The following EPHB1 variants were observed in gnomAD, a reference collection of about 807,000 sequenced individuals.
EPHB1 encodes the protein EPH receptor B1.
EPHB1 carries 30 observed loss-of-function variants against 94.4 expected under a neutral mutation model. The ratio of observed to expected loss-of-function variants is 0.32; its 90% confidence interval spans 0.24 to 0.43. The LOEUF (loss-of-function observed/expected upper bound fraction) is 0.43, where lower values mean the gene tolerates loss of function less well. Among genes scored for constraint, EPHB1 ranks in the 20% least tolerant of loss-of-function variants. EPHB1 has a pLI of 1.00. For missense variants in EPHB1, 1,055 were observed against 1,308.3 expected, an observed-to-expected ratio of 0.81 and a Z score of 2.99; for synonymous variants, 522 against 489.1, an observed-to-expected ratio of 1.07 and a Z score of -0.89.
chr3:135,177,367 G>A (rs1190014795), intron 9 of EPHB1, among the ~76,000 whole-genome samples: 2 of 152,102 alleles, frequency 1.3e-5, no homozygotes, highest in African/African-American at 4.8e-5. Context: ...GCTGCCAGTC[G>A]CACATCAGCT....
rs1269920940 is a variant in EPHB1 at position 135,192,841 on chromosome 3, G to T, written c.2130+18G>T. On this transcript the variant is annotated intron_variant, in intron 11 of 15. Coordinates refer to ENST00000398015, the MANE Select transcript of EPHB1 (RefSeq NM_004441.5). ...TCCTCAGGGTAAGAGCAACTCAGGG[G>T]TTTGATGATGCACTTGGATGCAGGT... 1.2e-6 allele frequency: 2 copies of T among 1,608,330 alleles called. No homozygotes were observed. The highest frequency in any genetic ancestry group is 1.1e-5 in the South Asian group (1 of 90,800).
intron 3 of EPHB1, among the ~76,000 whole-genome samples, chr3:135,090,361 G>T (rs1432181040): frequency 6.6e-6 from 1 of 152,196 alleles, no homozygotes; most frequent in African/African-American, 2.4e-5. Context: ...AATGAATTCT[G>T]CCAAATCTCT....
intron 3 of EPHB1, among the ~76,000 whole-genome samples, chr3:135,023,520 C>T: frequency 6.6e-6 from 1 of 152,124 alleles, no homozygotes; most frequent in East Asian, 1.9e-4. Flanking sequence ...CCAGAATCGC[C>T]CCCTGTTGAG....
chr3:135,241,404 C>T, intron 13 of EPHB1, 107 bp downstream of exon 13: 1 of 1,407,334 alleles, frequency 7.1e-7, no homozygotes, highest in Non-Finnish European at 9.9e-7. Flanking sequence ...ATAATCTGAA[C>T]CTGCAGTGTT....
At chr3:135,029,001 A>T (rs1576328493) in intron 3 of EPHB1, among the ~76,000 whole-genome samples, 3 of 131,456 alleles carry the variant, frequency 2.3e-5, no homozygotes, top group Non-Finnish European at 3.3e-5. Context: ...GTCTCTTTTG[A>T]TCTTTGTTGG....
intron 1 of EPHB1, among the ~76,000 whole-genome samples, chr3:134,874,481 A>G (rs1047076325): frequency 4.6e-5 from 7 of 152,180 alleles, no homozygotes; most frequent in Admixed American, 3.3e-4. Context: ...CCCTTTTTTA[A>G]ATAGAAGAAA....
chr3:135,067,294 G>A (rs1459111039), intron 3 of EPHB1, among the ~76,000 whole-genome samples: 1 of 152,158 alleles, frequency 6.6e-6, no homozygotes, highest in Non-Finnish European at 1.5e-5. Flanking sequence ...ACCAGAGTGG[G>A]TAGGGAAGGG....
At chr3:134,888,389 A>G (rs2037900427) in intron 1 of EPHB1, among the ~76,000 whole-genome samples, 1 of 152,198 alleles carries the variant, frequency 6.6e-6, no homozygotes, top group Non-Finnish European at 1.5e-5. Flanking sequence ...GATGTGGCCT[A>G]TATCCCTAGT....
intron 12 of EPHB1, among the ~76,000 whole-genome samples, chr3:135,220,740 G>C (rs1161284274): frequency 6.6e-6 from 1 of 152,002 alleles, no homozygotes; most frequent in African/African-American, 2.4e-5. Context: ...GGGCAAGGCT[G>C]GTATTTTATT....
At chr3:134,840,793 G>A (rs183368229) in intron 1 of EPHB1, among the ~76,000 whole-genome samples, 1 of 152,294 alleles carries the variant, frequency 6.6e-6, no homozygotes, top group African/African-American at 2.4e-5. Context: ...TCTCTGACTG[G>A]CCCTCAGCCT....
intron 3 of EPHB1, among the ~76,000 whole-genome samples, chr3:135,009,837 G>T (rs887121786): frequency 2.6e-5 from 4 of 152,170 alleles, no homozygotes; most frequent in African/African-American, 9.6e-5. Context: ...AAATAAAAAC[G>T]TTTCTGATTA....
chr3:134,825,285 G>T lies in EPHB1; in HGVS notation c.58+29596G>T, dbSNP rs192192057. Reference sequence around the variant, plus strand: ...TGTCAGTTTTAGAAGCTTGGCAGTTGGTCTTCAGTTTGGCGACATAAATGT... The same window carrying T: ...TGTCAGTTTTAGAAGCTTGGCAGTTTGTCTTCAGTTTGGCGACATAAATGT... On this transcript the variant is annotated intron_variant, in intron 1 of 15. Transcript: ENST00000398015. Among the ~76,000 whole-genome samples, 182 of 152,298 alleles carry T rather than the reference G, an allele frequency of 1.2e-3. 1 individual carries two copies. The highest frequency in any genetic ancestry group is 3.4e-3 in the Middle Eastern group (1 of 294).
chr3:135,192,590 G>T lies in EPHB1; in HGVS notation c.1897G>T (p.Val633Leu). 1 of 1,613,860 alleles carries T rather than the reference G, an allele frequency of 6.2e-7. No individual in the cohort carries two copies. Residue 633 changes from valine (V) to leucine (L), a missense_variant, in exon 11 of 16, where the codon GTG becomes TTG. Val to Leu is a conservative substitution (Grantham distance 32). Coordinates refer to ENST00000398015, the MANE Select transcript of EPHB1 (RefSeq NM_004441.5). ...EVIGAGEFGE[V>L]YKGRLKLPGK... is the part of the protein sequence containing the mutation. Reference sequence around the variant, plus strand: ...TGCTGTTGCAGGGGAGTTTGGAGAAGTGTACAAGGGGCGTTTGAAACTGCC... The same window carrying T: ...TGCTGTTGCAGGGGAGTTTGGAGAATTGTACAAGGGGCGTTTGAAACTGCC...
chr3:134,848,865 T>G (rs1032163903), intron 1 of EPHB1, among the ~76,000 whole-genome samples: 1 of 152,232 alleles, frequency 6.6e-6, no homozygotes, highest in Non-Finnish European at 1.5e-5. Flanking sequence ...TGGCTTGAGG[T>G]TGTTTCTTCA....
At chr3:135,065,413 T>A (rs1937568729) in intron 3 of EPHB1, among the ~76,000 whole-genome samples, 1 of 152,210 alleles carries the variant, frequency 6.6e-6, no homozygotes, top group African/African-American at 2.4e-5. Context: ...TATTTAGGAT[T>A]GTGATATTTT....
intron 3 of EPHB1, among the ~76,000 whole-genome samples, chr3:135,030,479 T>G (rs1936394452): frequency 6.6e-6 from 1 of 152,218 alleles, no homozygotes; most frequent in East Asian, 1.9e-4. Flanking sequence ...TGGAATACCC[T>G]GCAGTGTGAG....
chr3:134,891,276 A>AT (rs1433696240), intron 1 of EPHB1, among the ~76,000 whole-genome samples: 4 of 151,968 alleles, frequency 2.6e-5, no homozygotes, highest in Non-Finnish European at 5.9e-5. Context: ...TGCCCAGCTA[A>AT]TTTTTGTATT....
At chr3:134,924,231 C>A (rs1194650883) in intron 1 of EPHB1, among the ~76,000 whole-genome samples, 4 of 152,062 alleles carry the variant, frequency 2.6e-5, no homozygotes, top group African/African-American at 9.7e-5. Flanking sequence ...TAAAAGAAAA[C>A]CAAATAATAA....
intron 2 of EPHB1, among the ~76,000 whole-genome samples, chr3:134,932,369 C>G (rs1204520910): frequency 6.6e-6 from 1 of 152,198 alleles, no homozygotes; most frequent in African/African-American, 2.4e-5. Context: ...AGCTGCCCAC[C>G]TCAAGTGACT....
Sources: gnomAD v4.1 joint callset for allele counts (sites outside exome capture counted in the v4.1 genomes callset) on GRCh38, gnomAD v4.1.1 for gene constraint, MANE v1.5 for transcripts, NCBI Gene and HGNC (gene_info 2026-07-23, HGNC 2026-07-21) for gene names.